Variants in ZC2HC1B observed in about 807,000 individuals in gnomAD.
ZC2HC1B encodes zinc finger C2HC-type containing 1B, also known as zinc finger C2HC domain-containing protein 1B.
Under a neutral mutation model 31.0 loss-of-function variants are expected in ZC2HC1B, and 36 were observed. The ratio of observed to expected loss-of-function variants is 1.16; its 90% confidence interval spans 0.89 to 1.54. The LOEUF (loss-of-function observed/expected upper bound fraction) is 1.54, where lower values mean the gene tolerates loss of function less well. Ranked by LOEUF, ZC2HC1B falls within the 40% of genes most tolerant of loss-of-function variation. The pLI is 0.00. For missense variants in ZC2HC1B, 260 were observed against 268.6 expected, an observed-to-expected ratio of 0.97 and a Z score of 0.22; for synonymous variants, 73 against 88.0, an observed-to-expected ratio of 0.83 and a Z score of 0.95.
chr6:143,900,756 A>T (rs1777728232), intron 5 of ZC2HC1B, among the ~76,000 whole-genome samples: 1 of 152,220 alleles, frequency 6.6e-6, no homozygotes, highest in South Asian at 2.1e-4. Context: ...ACAGGAAGAC[A>T]ATCTCTGTAG....
chr6:143,883,788 G>A lies in ZC2HC1B; in HGVS notation c.29-516G>A, dbSNP rs1037551622. Among the ~76,000 whole-genome samples, 2 of 151,708 alleles carry A rather than the reference G, an allele frequency of 1.3e-5. No individual in the cohort carries two copies. The highest frequency in any genetic ancestry group is 1.5e-5 in the Non-Finnish European group (1 of 67,980). ...TGCATATAGCCAATATCTATTTATC[G>A]AATGAATGTTTCTATGTTAGAAATT... On this transcript the variant is annotated intron_variant, in intron 1 of 7. Transcript: ENST00000237275. This position sits in a 1 kb window ranked among gnomAD's most constrained non-coding sequence, Gnocchi z 4.1.
chr6:143,936,980 C>T (rs1778186556), intron 6 of ZC2HC1B, among the ~76,000 whole-genome samples: 1 of 152,078 alleles, frequency 6.6e-6, no homozygotes, highest in South Asian at 2.1e-4. Context: ...TGTTATTGCT[C>T]CTTCATAAAA....
Position 143,899,532 on chromosome 6 carries a change from C to G in ZC2HC1B, c.489+841C>G, listed in dbSNP as rs551483865. 1.3e-5 allele frequency among the ~76,000 whole-genome samples: 2 copies of G among 152,156 alleles called. No individual in the cohort carries two copies. The highest frequency in any genetic ancestry group is 2.9e-5 in the Non-Finnish European group (2 of 68,036). ...CTGGAACTACAGGTGCATAGCACCA[C>G]GCCCAGCTAATTTTTTGTATTTTTA... On this transcript the variant is annotated intron_variant, in intron 5 of 7. Transcript: ENST00000237275. This position sits in a 1 kb window ranked among gnomAD's most constrained non-coding sequence, Gnocchi z 5.0.
At chr6:143,926,440 T>C (rs889709256) in intron 6 of ZC2HC1B, among the ~76,000 whole-genome samples, 1 of 152,022 alleles carries the variant, frequency 6.6e-6, no homozygotes, top group Non-Finnish European at 1.5e-5. Context: ...CCTGTTGTTA[T>C]TGATTTCTAG....
chr6:143,886,687 C>T lies in ZC2HC1B; in HGVS notation c.215C>T (p.Pro72Leu). Reference protein sequence around the residue: ...TVKKTPQSKSPPVRKSNWRQQ... With the variant: ...TVKKTPQSKSLPVRKSNWRQQ... ...TGTTGGTTTTATTTTTTACAGTCTC[C>T]ACCTGTGAGGAAGTCTAACTGGAGA... Residue 72 changes from proline (P) to leucine (L), a missense_variant, in exon 4 of 8, where the codon CCA (proline) becomes CTA (leucine). Pro to Leu is a moderately conservative substitution (Grantham distance 98). Transcript: ENST00000237275. The surrounding 1 kb of genome is among the most constrained non-coding windows in gnomAD (Gnocchi z 4.2). The T allele has an allele frequency of 1.3e-6, 2 of 1,538,726 alleles. No homozygotes were observed. The highest frequency in any genetic ancestry group is 2.0e-5 in the Admixed American group (1 of 48,988).
Position 143,886,271 on chromosome 6 carries a change from C to A in ZC2HC1B, c.210+120C>A, listed in dbSNP as rs182608576. ...ACAGTAATGTAATGTAACTGTAATCCACCTTTACTTTTTTCTTTATAATCT... is the reference window on the plus strand; with the variant it reads ...ACAGTAATGTAATGTAACTGTAATCAACCTTTACTTTTTTCTTTATAATCT... On this transcript the variant is annotated intron_variant, in intron 3 of 7. Transcript: ENST00000237275. The surrounding 1 kb of genome is among the most constrained non-coding windows in gnomAD (Gnocchi z 4.2). 9.9e-6 allele frequency: 11 copies of A among 1,110,974 alleles called. No individual in the cohort carries two copies. The highest frequency in any genetic ancestry group is 9.7e-5 in the African/African-American group (6 of 61,550). The allele number at this position is 1,110,974 out of a possible 1,614,324, so 68.8% of individuals were successfully genotyped here.
At chr6:143,936,431 A>G (rs946238750) in intron 6 of ZC2HC1B, among the ~76,000 whole-genome samples, 5 of 152,232 alleles carry the variant, frequency 3.3e-5, no homozygotes, top group African/African-American at 1.2e-4. Context: ...GTCCAAAAAT[A>G]TAAATATTAA....
chr6:143,911,963 T>C lies in ZC2HC1B; in HGVS notation c.598+8811T>C, dbSNP rs1777865673. ...ATGTTTCTCAGAGGTTTTGTTCTTT[T>C]TTTTCATTCTTTTTTCTCTATTTTT... On this transcript the variant is annotated intron_variant, in intron 6 of 7. Transcript: ENST00000237275. The surrounding 1 kb of genome is among the most constrained non-coding windows in gnomAD (Gnocchi z 4.5). Among the ~76,000 whole-genome samples, 1 of 152,190 alleles carries C rather than the reference T, an allele frequency of 6.6e-6. No homozygotes were observed. Among genetic ancestry groups the C allele is most frequent in the African/African-American group, 2.4e-5 (1 of 41,442 alleles).
At chr6:143,900,070 G>A (rs116336956) in intron 5 of ZC2HC1B, among the ~76,000 whole-genome samples, 39 of 152,260 alleles carry the variant, frequency 2.6e-4, no homozygotes, top group African/African-American at 8.2e-4. Context: ...CCCATCTGGG[G>A]AGCGAAAGCA....
chr6:143,936,379 TA>T (rs1323892420), intron 6 of ZC2HC1B, among the ~76,000 whole-genome samples: 7 of 152,198 alleles, frequency 4.6e-5, no homozygotes, highest in Non-Finnish European at 7.3e-5. Flanking sequence ...GCAAGCTATT[TA>T]ATAGGAAGGA....
chr6:143,935,777 C>A lies in ZC2HC1B; in HGVS notation c.599-1872C>A, dbSNP rs184146849. ...ACAAGTGACCCTCTCACCTCAGCCT[C>A]CTGAGTATATGGGATGACAGGCATG... On this transcript the variant is annotated intron_variant, in intron 6 of 7. Transcript: ENST00000237275. Among the ~76,000 whole-genome samples the A allele has an allele frequency of 2.8e-3, 415 of 150,376 alleles. 2 individuals are homozygous for A. The highest frequency in any genetic ancestry group is 4.6e-3 in the Non-Finnish European group (313 of 67,784).
intron 4 of ZC2HC1B, among the ~76,000 whole-genome samples, chr6:143,890,855 C>T (rs533511024): frequency 8.3e-4 from 126 of 152,074 alleles, no homozygotes; most frequent in African/African-American, 2.7e-3. Flanking sequence ...TAAGGCTGGG[C>T]GCAGTGGCTC....
At position 143,871,010 on chromosome 6, in the gene ZC2HC1B, A is replaced by T. The variant is rs140487917; in HGVS notation, c.28+6443A>T. ...AGAAATGTGTTGCCTCCAAAATCCAAATAGATCCACTAGACATTGTGCCTC... is the reference window on the plus strand; with the variant it reads ...AGAAATGTGTTGCCTCCAAAATCCATATAGATCCACTAGACATTGTGCCTC... On this transcript the variant is annotated intron_variant, in intron 1 of 7. Transcript: ENST00000237275. The surrounding 1 kb of genome is among the most constrained non-coding windows in gnomAD (Gnocchi z 4.1). Among the ~76,000 whole-genome samples, 447 of 152,132 alleles carry T rather than the reference A, an allele frequency of 2.9e-3. 3 individuals carry two copies. The highest frequency in any genetic ancestry group is 0.01 in the African/African-American group (429 of 41,496).
At chr6:143,879,594 C>A (rs9373406) in intron 1 of ZC2HC1B, among the ~76,000 whole-genome samples, 35 of 152,242 alleles carry the variant, frequency 2.3e-4, no homozygotes, top group African/African-American at 8.4e-4. Context: ...TTGCAGGCAT[C>A]TGAATGAGAA....
At chr6:143,906,201 A>G (rs1288454698) in intron 6 of ZC2HC1B, among the ~76,000 whole-genome samples, 2 of 152,070 alleles carry the variant, frequency 1.3e-5, no homozygotes, top group East Asian at 3.9e-4. Context: ...TATTAATTCT[A>G]TCTCCTTACT....
In ZC2HC1B at chr6:143,923,302, G is replaced by C. The variant is rs1778002322; in HGVS notation, c.599-14347G>C. On this transcript the variant is annotated intron_variant, in intron 6 of 7. Transcript: ENST00000237275. This position sits in a 1 kb window ranked among gnomAD's most constrained non-coding sequence, Gnocchi z 4.8. ...TTCCTCAGGTATATGTGTTGTGTTAGATAAAAAACACAAAAAGTTGTTTGA... is the reference window on the plus strand; with the variant it reads ...TTCCTCAGGTATATGTGTTGTGTTACATAAAAAACACAAAAAGTTGTTTGA... Among the ~76,000 whole-genome samples the C allele has an allele frequency of 6.6e-6, 1 of 151,952 alleles. No individual in the cohort carries two copies. Among genetic ancestry groups the C allele is most frequent in the Non-Finnish European group, 1.5e-5 (1 of 67,904 alleles).
intron 6 of ZC2HC1B, among the ~76,000 whole-genome samples, chr6:143,930,950 T>C (rs921709898): frequency 1.3e-5 from 2 of 152,232 alleles, no homozygotes; most frequent in African/African-American, 4.8e-5. Flanking sequence ...GATGATCTGT[T>C]TGGTGCTGTC....
chr6:143,871,305 G>T lies in ZC2HC1B; in HGVS notation c.28+6738G>T, dbSNP rs113935547. Among the ~76,000 whole-genome samples the T allele has an allele frequency of 1.2e-4, 18 of 152,288 alleles. No homozygotes were observed. The highest frequency in any genetic ancestry group is 3.9e-4 in the African/African-American group (16 of 41,556). On this transcript the variant is annotated intron_variant, in intron 1 of 7. Transcript: ENST00000237275. This position sits in a 1 kb window ranked among gnomAD's most constrained non-coding sequence, Gnocchi z 4.1. ...CTTGTGGAAGCAAAAAGTGATCAAG[G>T]TCTCTCTGAATAAGATTATGACACA...
intron 4 of ZC2HC1B, among the ~76,000 whole-genome samples, chr6:143,888,106 C>T (rs1479368194): frequency 1.3e-5 from 2 of 151,964 alleles, no homozygotes; most frequent in African/African-American, 4.8e-5. Flanking sequence ...TTTCCAACAT[C>T]GTTTTTTTGC....
Sources: gnomAD v4.1 joint callset for allele counts (sites outside exome capture counted in the v4.1 genomes callset) on GRCh38, gnomAD v4.1.1 for gene constraint, Gnocchi (gnomAD v3.1) non-coding constraint, MANE v1.5 for transcripts, NCBI Gene and HGNC (gene_info 2026-07-23, HGNC 2026-07-21) for gene names.